The following CASD1 variants were observed in gnomAD, a reference collection of about 807,000 sequenced individuals.
CASD1 encodes the protein CAS1 domain sialic acid O acetyltransferase 1, also known as N-acetylneuraminate (7)9-O-acetyltransferase.
A neutral mutation model predicts 100.0 loss-of-function variants in CASD1; 41 were observed. The ratio of observed to expected loss-of-function variants is 0.41; its 90% CI spans 0.32 to 0.53. The LOEUF is 0.53. Ranked by LOEUF, CASD1 falls within the 20% of genes least tolerant of loss-of-function variation. The pLI is 0.25. For missense variants in CASD1, 774 were observed against 948.7 expected (o/e 0.82, Z 2.42); for synonymous variants, 321 against 315.6 (o/e 1.02, Z -0.18).
At chr7:94,567,458 G>A in the CASD1 span, among the ~76,000 whole-genome samples, 7 of 152,102 alleles carry the variant, frequency 4.6e-5, no homozygotes, top group African/African-American at 1.7e-4. Flanking sequence ...AAATTGCCAT[G>A]AGCCCCTTTT....
At chr7:94,544,316 T>G (rs2116378031) in intron 10 of CASD1, 95 bp from the exon 11 acceptor site, 1 of 1,437,284 alleles carries the variant, frequency 7.0e-7, no homozygotes, top group Non-Finnish European at 9.6e-7. Context: ...CAAATGCTAA[T>G]AATCATTTAT....
the CASD1 span, chr7:94,622,620 A>C: frequency 6.7e-6 from 1 of 148,712 alleles, no homozygotes; most frequent in South Asian, 2.1e-4. Context: ...CGAGAGCAAG[A>C]CTCCATCTCA....
At chr7:94,629,551 G>T in the CASD1 span, 2 of 653,230 alleles carry the variant, frequency 3.1e-6, no homozygotes, top group South Asian at 1.9e-5. Context: ...ATTTTTGTCT[G>T]TAATTAAATT....
In CASD1 at chr7:94,556,092, G is replaced by A. The variant is rs751339934; in HGVS notation, c.*334G>A. The A allele has an allele frequency of 5.5e-5, 10 of 183,184 alleles. No homozygotes were observed. The highest frequency in any genetic ancestry group is 1.0e-4 in the Non-Finnish European group (9 of 88,174). 11.3% of individuals were successfully genotyped at this position (183,184 alleles called of 1,614,324 possible). The stretch of plus-strand genomic sequence containing the variant: ...GAAATGATTACCTTTCCAGTAAAAA[G>A]TATAGATAATTTAATTAACTTAGTG... On this transcript the variant is annotated 3_prime_UTR_variant, in exon 18 of 18. Transcript: ENST00000297273.
At chr7:94,610,405 T>C in the CASD1 span, among the ~76,000 whole-genome samples, 2 of 152,316 alleles carry the variant, frequency 1.3e-5, no homozygotes, top group South Asian at 4.1e-4. Context: ...GTAACAAATA[T>C]ACCACTCTGG....
chr7:94,554,713 G>T, intron 17 of CASD1, 138 bp downstream of exon 17: 1 of 513,338 alleles, frequency 1.9e-6, no homozygotes. Flanking sequence ...AAGCTATTAT[G>T]GAATTACAGG....
At chr7:94,511,092 G>T (rs924910208) in intron 1 of CASD1, among the ~76,000 whole-genome samples, 2 of 152,106 alleles carry the variant, frequency 1.3e-5, no homozygotes, top group East Asian at 3.9e-4. Context: ...CTGATTGATT[G>T]TTTTTTTTCC....
the CASD1 span, among the ~76,000 whole-genome samples, chr7:94,581,131 C>T: frequency 6.6e-6 from 1 of 152,148 alleles, no homozygotes; most frequent in Non-Finnish European, 1.5e-5. Flanking sequence ...TGCTGTGTCT[C>T]CACAAAAGAT....
intron 10 of CASD1, among the ~76,000 whole-genome samples, chr7:94,542,105 C>T (rs536979693): frequency 3.3e-5 from 5 of 152,202 alleles, no homozygotes; most frequent in Admixed American, 2.6e-4. Context: ...ATGTAATAAC[C>T]AACCCAACTT....
chr7:94,519,707 A>G (rs1304063665), intron 3 of CASD1, among the ~76,000 whole-genome samples: 1 of 152,116 alleles, frequency 6.6e-6, no homozygotes, highest in Non-Finnish European at 1.5e-5. Context: ...AGGTCTCACT[A>G]TTTCGCCCAA....
the CASD1 span, among the ~76,000 whole-genome samples, chr7:94,579,201 A>G: frequency 6.7e-6 from 1 of 149,952 alleles, no homozygotes; most frequent in East Asian, 2.0e-4. Flanking sequence ...ACTCAATCCA[A>G]TAACATTTTT....
chr7:94,582,416 C>G, the CASD1 span, among the ~76,000 whole-genome samples: 1 of 152,184 alleles, frequency 6.6e-6, no homozygotes, highest in African/African-American at 2.4e-5. Context: ...AGCCACTGCA[C>G]CTGGCCAGCT....
chr7:94,582,825 G>A, the CASD1 span, among the ~76,000 whole-genome samples: 1 of 152,194 alleles, frequency 6.6e-6, no homozygotes, highest in Non-Finnish European at 1.5e-5. Context: ...CCAGTAGAAT[G>A]TAAACTCCTT....
the CASD1 span, among the ~76,000 whole-genome samples, chr7:94,582,482 A>G: frequency 6.6e-6 from 1 of 152,042 alleles, no homozygotes; most frequent in Non-Finnish European, 1.5e-5. Flanking sequence ...TTGTCTATTC[A>G]TGTCCTTTGC....
At chr7:94,548,486 A>G (rs1435549113) in intron 13 of CASD1, among the ~76,000 whole-genome samples, 1 of 151,676 alleles carries the variant, frequency 6.6e-6, no homozygotes, top group Non-Finnish European at 1.5e-5. Flanking sequence ...AGTACTTCAG[A>G]CTTCAGATTG....
Position 94,509,885 on chromosome 7 carries a change from C to A in CASD1, c.-200C>A. 1.9e-6 allele frequency: 2 copies of A among 1,050,108 alleles called. No individual in the cohort carries two copies. The highest frequency in any genetic ancestry group is 2.3e-6 in the Non-Finnish European group (2 of 872,344). The allele number at this position is 1,050,108 out of a possible 1,614,324, so 65.0% of individuals were successfully genotyped here. On this transcript the variant is annotated 5_prime_UTR_variant, in exon 1 of 18. Transcript: ENST00000297273. ...CGGGGCTGGGGGGAGGCCGCCGAGT[C>A]GGCCGCGGCCGAGGAGGGGCAGGCG...
the CASD1 span, among the ~76,000 whole-genome samples, chr7:94,601,099 A>C: frequency 6.6e-6 from 1 of 152,094 alleles, no homozygotes; most frequent in Non-Finnish European, 1.5e-5. Flanking sequence ...ATACATATAC[A>C]TTTACATGTG....
chr7:94,584,157 CT>C, the CASD1 span, among the ~76,000 whole-genome samples: 1 of 152,140 alleles, frequency 6.6e-6, no homozygotes, highest in African/African-American at 2.4e-5. Flanking sequence ...AATAAAGTTC[CT>C]GATTTCTCAT....
intron 17 of CASD1, 89 bp downstream of exon 17, chr7:94,554,664 A>G: frequency 1.4e-6 from 1 of 730,466 alleles, no homozygotes. Context: ...TCACACATAT[A>G]TGTGAGTATG....
Sources: gnomAD v4.1 joint callset for allele counts (sites outside exome capture counted in the v4.1 genomes callset) on GRCh38, gnomAD v4.1.1 for gene constraint, MANE v1.5 for transcripts, NCBI Gene and HGNC (gene_info 2026-07-23, HGNC 2026-07-21) for gene names.